The following ABCC8 variants were observed in gnomAD, a reference collection of about 807,000 sequenced individuals.
ABCC8 encodes the protein ATP-binding cassette sub-family C member 8.
Under a neutral mutation model 188.0 loss-of-function variants are expected in ABCC8, and 137 were observed. That is an observed-to-expected ratio of 0.73 (90% CI 0.63 to 0.84). ABCC8 has a LOEUF of 0.84. ABCC8 is among the 40% of genes least tolerant of loss of function. The probability of loss-of-function intolerance (pLI) is 0.00; values close to 1 mark genes in which losing one functional copy is unlikely to be tolerated. For missense variants in ABCC8, 1,750 were observed against 2,072.7 expected (o/e 0.84, Z 3.02); for synonymous variants, 797 against 846.5 (o/e 0.94, Z 1.01).
intron 19 of ABCC8, among the ~76,000 whole-genome samples, chr11:17,414,155 C>T (rs1443090052): frequency 6.6e-6 from 1 of 152,190 alleles, no homozygotes; most frequent in African/African-American, 2.4e-5. Flanking sequence ...GTAGTAAGAG[C>T]GCAGTCGATG....
chr11:17,457,332 T>C (rs776237428), intron 6 of ABCC8, among the ~76,000 whole-genome samples: 3 of 151,966 alleles, frequency 2.0e-5, no homozygotes, highest in African/African-American at 4.8e-5. Flanking sequence ...AGAACACACA[T>C]ATAGAACCAT....
intron 17 of ABCC8, among the ~76,000 whole-genome samples, chr11:17,415,960 C>G (rs920436465): frequency 6.6e-6 from 1 of 152,218 alleles, no homozygotes; most frequent in Non-Finnish European, 1.5e-5. Flanking sequence ...GCTCCCGTGT[C>G]AAATATTCTG....
At position 17,399,290 on chromosome 11, in the gene ABCC8, A is replaced by AC. The variant is rs1307563217; in HGVS notation, c.3651-850_3651-849insG. ...GACTCTGCCTCAAAAAAAAAAAAAA[A>AC]AAAAAAAAAAAAAACAAATAAAAAA... On this transcript the variant is annotated intron_variant, in intron 29 of 38. Coordinates refer to ENST00000389817, the MANE Select transcript of ABCC8 (RefSeq NM_000352.6). Among the ~76,000 whole-genome samples the AC allele has an allele frequency of 1.8e-3, 259 of 146,796 alleles. 9 individuals are homozygous for AC. Among genetic ancestry groups the AC allele is most frequent in the Middle Eastern group, 6.9e-3 (2 of 290 alleles).
At chr11:17,450,306 CTTTCTT>C (rs1564959202) in intron 7 of ABCC8, among the ~76,000 whole-genome samples, 84 of 130,278 alleles carry the variant, frequency 6.4e-4, no homozygotes, top group African/African-American at 2.7e-3. Context: ...TTCTTTCTTT[CTTTCTT>C]TCTTTCTTTC....
chr11:17,439,694 C>A (rs1265096014), intron 10 of ABCC8, among the ~76,000 whole-genome samples: 1 of 152,206 alleles, frequency 6.6e-6, no homozygotes, highest in Non-Finnish European at 1.5e-5. Context: ...AAGCTCTCCC[C>A]AGGGGCTCTC....
At chr11:17,423,481 C>T (rs1955445065) in intron 16 of ABCC8, among the ~76,000 whole-genome samples, 1 of 151,468 alleles carries the variant, frequency 6.6e-6, no homozygotes, top group African/African-American at 2.4e-5. Context: ...ACTGTGGACG[C>T]TGGAGAATGA....
intron 11 of ABCC8, 53 bp from the exon 12 acceptor site, chr11:17,431,012 CCA>C (rs1267860309): frequency 6.2e-7 from 1 of 1,602,484 alleles, no homozygotes; most frequent in Non-Finnish European, 8.5e-7. Context: ...TGGGTCCCTC[CCA>C]CACTGGAAAC....
chr11:17,408,346 C>G (rs374840010), intron 23 of ABCC8, 46 bp downstream of exon 23: 9 of 1,570,834 alleles, frequency 5.7e-6, no homozygotes, highest in Non-Finnish European at 7.8e-6. Flanking sequence ...CTAGCAGAAC[C>G]TTTGCATCCA....
intron 16 of ABCC8, among the ~76,000 whole-genome samples, chr11:17,420,375 A>G (rs2237990): frequency 0.22 from 33,240 of 152,120 alleles, 4,423 homozygotes; most frequent in African/African-American, 0.37. Context: ...AAGTGGCAGC[A>G]TCAGGACTAC....
At chr11:17,430,451 G>C (rs1289183717) in intron 12 of ABCC8, 2 of 364,982 alleles carry the variant, frequency 5.5e-6, no homozygotes, top group Non-Finnish European at 1.1e-5. Flanking sequence ...GGGCAGCCAC[G>C]TGGGGACGGG....
intron 4 of ABCC8, 85 bp from the exon 5 acceptor site, chr11:17,461,910 G>A: frequency 4.4e-6 from 7 of 1,591,070 alleles, no homozygotes; most frequent in Non-Finnish European, 6.0e-6. Context: ...CTGGGGTTGT[G>A]ATATTCCACA....
At chr11:17,420,455 GC>G (rs957462845) in intron 16 of ABCC8, among the ~76,000 whole-genome samples, 1 of 152,202 alleles carries the variant, frequency 6.6e-6, no homozygotes, top group Admixed American at 6.5e-5. Flanking sequence ...CTGTCTGTCA[GC>G]TGTCTCACCA....
intron 4 of ABCC8, among the ~76,000 whole-genome samples, chr11:17,462,467 C>T (rs575525533): frequency 7.9e-5 from 12 of 152,322 alleles, no homozygotes; most frequent in Admixed American, 2.6e-4. Context: ...TGGCAGATTA[C>T]AGTCTTTCTG....
chr11:17,400,409 G>A (rs186094560), intron 29 of ABCC8, among the ~76,000 whole-genome samples: 20 of 152,322 alleles, frequency 1.3e-4, no homozygotes, highest in Admixed American at 7.8e-4. Context: ...CGGCAAGTGT[G>A]AGATGGGAGC....
At chr11:17,394,990 G>A in intron 36 of ABCC8, 182 bp downstream of exon 36, 1 of 728,496 alleles carries the variant, frequency 1.4e-6, no homozygotes, top group South Asian at 1.8e-5. Flanking sequence ...GACCAGTTGT[G>A]TGACCTGGGG....
chr11:17,408,985 A>C (rs992215976), intron 22 of ABCC8, among the ~76,000 whole-genome samples: 1 of 131,604 alleles, frequency 7.6e-6, no homozygotes, highest in Admixed American at 8.8e-5. Context: ...ACAGGGTCTC[A>C]CTCTGTTGCC....
chr11:17,396,149 T>C lies in ABCC8; in HGVS notation c.4120-219A>G, dbSNP rs1256431680. Reference sequence around the variant, plus strand: ...AGGGACCGGCACGCAAGTGCAGGCATGGATGTCCATTTGCCTGGGCCTTGG... The same window carrying C: ...AGGGACCGGCACGCAAGTGCAGGCACGGATGTCCATTTGCCTGGGCCTTGG... On this transcript the variant is annotated intron_variant, in intron 33 of 38. Coordinates refer to ENST00000389817, the MANE Select transcript of ABCC8 (RefSeq NM_000352.6). 6 of 1,118,442 alleles carry C rather than the reference T, an allele frequency of 5.4e-6. No homozygotes were observed. The East Asian group carries it at 1.6e-4, about 30-fold the overall frequency. The allele number at this position is 1,118,442 out of a possible 1,614,324, so 69.3% of individuals were successfully genotyped here.
rs566087130 is a variant in ABCC8, at chr11:17,447,699, T to C, written c.1332+817A>G. Among the ~76,000 whole-genome samples the C allele has an allele frequency of 3.9e-5, 6 of 152,292 alleles. No individual in the cohort carries two copies. The East Asian group carries it at 9.6e-4, about 24-fold the overall frequency. ...ACTGCAACCTCTGCCTCCTGGACTT[T>C]AGGTAATCTTCCCACCTCAGCCTCT... On this transcript the variant is annotated intron_variant, in intron 8 of 38. Coordinates refer to ENST00000389817, the MANE Select transcript of ABCC8 (RefSeq NM_000352.6).
chr11:17,446,244 G>T (rs542543888), intron 8 of ABCC8, among the ~76,000 whole-genome samples: 2 of 152,226 alleles, frequency 1.3e-5, no homozygotes, highest in East Asian at 3.9e-4. Context: ...GGGATTACAG[G>T]AGCGAGCCAC....
Sources: gnomAD v4.1 joint callset for allele counts (sites outside exome capture counted in the v4.1 genomes callset) on GRCh38, gnomAD v4.1.1 for gene constraint, MANE v1.5 for transcripts, NCBI Gene and HGNC (gene_info 2026-07-23, HGNC 2026-07-21) for gene names.